ACMSD: variants seen among roughly 807,000 people sequenced by gnomAD.
The protein encoded by ACMSD is aminocarboxymuconate semialdehyde decarboxylase.
Under a neutral mutation model 45.9 loss-of-function variants are expected in ACMSD, and 37 were observed. The ratio of observed to expected loss-of-function variants is 0.81; its 90% CI spans 0.62 to 1.06. The LOEUF (loss-of-function observed/expected upper bound fraction) is 1.06, where lower values mean the gene tolerates loss of function less well. Ranked by LOEUF, ACMSD falls within the 50% of genes least tolerant of loss-of-function variation. The probability of loss-of-function intolerance (pLI) is 0.00; values close to 1 mark genes in which losing one functional copy is unlikely to be tolerated. For synonymous variants in ACMSD, 138 were observed against 148.8 expected, an observed-to-expected ratio of 0.93 and a Z score of 0.53; for missense variants, 434 against 420.9, an observed-to-expected ratio of 1.03 and a Z score of -0.27.
At chr2:134,852,028 G>A (rs1159846790) in intron 2 of ACMSD, among the ~76,000 whole-genome samples, 1 of 152,128 alleles carries the variant, frequency 6.6e-6, no homozygotes, top group African/African-American at 2.4e-5. Flanking sequence ...TACGTATGGT[G>A]TTTAAAGCTG....
At chr2:134,868,608 A>G (rs1222606569) in intron 6 of ACMSD, among the ~76,000 whole-genome samples, 2 of 151,894 alleles carry the variant, frequency 1.3e-5, no homozygotes, top group Non-Finnish European at 2.9e-5. Context: ...GTACAATGCC[A>G]CGTCCAGCTA....
chr2:134,899,170 G>T (rs1483897605), intron 9 of ACMSD, among the ~76,000 whole-genome samples: 1 of 152,078 alleles, frequency 6.6e-6, no homozygotes, highest in Non-Finnish European at 1.5e-5. Flanking sequence ...TAATCCTTTT[G>T]CATAATTCTT....
At chr2:134,898,566 A>G (rs1690317338) in intron 9 of ACMSD, 127 bp downstream of exon 9, 1 of 523,852 alleles carries the variant, frequency 1.9e-6, no homozygotes. Context: ...CCCTAAAACT[A>G]TTACTCTATC....
At position 134,872,521 on chromosome 2, in the gene ACMSD, C is replaced by T. The variant is rs977019422; in HGVS notation, c.729C>T (p.Arg243=). The part of the protein sequence containing the change: ...VGRISHGFSM[R]PDLCAQDNPM... ...GAATCTCCCATGGATTCAGCATGCG[C>T]CCAGATCTGTGTGCCCAGGACAACC... The change falls in exon 8 of 10, where the codon CGC becomes CGT. Residue 243 remains arginine, a synonymous_variant. Coordinates refer to ENST00000356140, the MANE Select transcript of ACMSD (RefSeq NM_138326.3). 2.5e-6 allele frequency: 4 copies of T among 1,614,060 alleles called. No individual in the cohort carries two copies. The highest frequency in any genetic ancestry group is 1.7e-5 in the Admixed American group (1 of 59,990).
chr2:134,879,398 T>G (rs1032994911), intron 8 of ACMSD, among the ~76,000 whole-genome samples: 6 of 152,312 alleles, frequency 3.9e-5, no homozygotes, highest in Admixed American at 2.0e-4. Flanking sequence ...TCCTTCCTAC[T>G]TCCTCCTACT....
At chr2:134,881,338 G>T (rs949534413) in intron 8 of ACMSD, among the ~76,000 whole-genome samples, 1 of 152,192 alleles carries the variant, frequency 6.6e-6, no homozygotes, top group Non-Finnish European at 1.5e-5. Context: ...CGAAATTCTT[G>T]TTCTGTAAAA....
At position 134,840,193 on chromosome 2, in the gene ACMSD, AC is replaced by A. The variant is rs148075213; in HGVS notation, c.57+1456del. ...AAAAAAAAAAAAAAAAAAAAAAAAA[AC>A]CACTAATTCCTCTGTTACAGCTTTT... On this transcript the variant is annotated intron_variant, in intron 1 of 9. Coordinates refer to ENST00000356140, the MANE Select transcript of ACMSD (RefSeq NM_138326.3). 3.1e-3 allele frequency among the ~76,000 whole-genome samples: 364 copies of A among 116,588 alleles called. 42 individuals are homozygous for A. The highest frequency in any genetic ancestry group is 0.01 in the African/African-American group (306 of 29,186). 76.5% of individuals were successfully genotyped at this position (116,588 alleles called of 152,430 possible).
intron 8 of ACMSD, among the ~76,000 whole-genome samples, chr2:134,889,476 C>T (rs1378576666): frequency 6.6e-6 from 1 of 152,136 alleles, no homozygotes; most frequent in Non-Finnish European, 1.5e-5. Context: ...TCTGTATTCA[C>T]AGGTTCCACA....
chr2:134,858,415 TAGAC>T (rs1687681346), intron 2 of ACMSD, among the ~76,000 whole-genome samples: 1 of 152,168 alleles, frequency 6.6e-6, no homozygotes, highest in African/African-American at 2.4e-5. Flanking sequence ...AAATTTCAGT[TAGAC>T]AGGAGGAATA....
intron 1 of ACMSD, among the ~76,000 whole-genome samples, chr2:134,840,181 A>C (rs1222327837): frequency 7.7e-5 from 11 of 142,796 alleles, no homozygotes; most frequent in African/African-American, 2.7e-4. Context: ...AAAAAAAAAA[A>C]AAAAAAAAAA....
At chr2:134,880,686 C>G (rs892491534) in intron 8 of ACMSD, among the ~76,000 whole-genome samples, 2 of 151,778 alleles carry the variant, frequency 1.3e-5, no homozygotes, top group Non-Finnish European at 2.9e-5. Context: ...GTTTGATTAT[C>G]CCTGCAAGTC....
At chr2:134,892,362 T>C (rs1008025027) in intron 8 of ACMSD, among the ~76,000 whole-genome samples, 2 of 151,984 alleles carry the variant, frequency 1.3e-5, no homozygotes, top group Admixed American at 1.3e-4. Context: ...ATTGACAAAG[T>C]TGTGAAAAGC....
chr2:134,839,848 G>A (rs1238772311), intron 1 of ACMSD, among the ~76,000 whole-genome samples: 1 of 152,088 alleles, frequency 6.6e-6, no homozygotes, highest in Non-Finnish European at 1.5e-5. Flanking sequence ...TGTTCTGAGT[G>A]CTGTTGTCCT....
rs541525203 is a variant in ACMSD, at chr2:134,871,725, CAT to C, written c.676+666_676+667del. On this transcript the variant is annotated intron_variant, in intron 7 of 9. Coordinates refer to ENST00000356140, the MANE Select transcript of ACMSD (RefSeq NM_138326.3). The stretch of plus-strand genomic sequence containing the variant: ...CACACACACACACAATCAAACTACA[CAT>C]GTTACTCGCTAACATGCCTTTCCTC... 2.5e-3 allele frequency among the ~76,000 whole-genome samples: 354 copies of C among 139,126 alleles called. 3 individuals are homozygous for C. The highest frequency in any genetic ancestry group is 8.6e-3 in the African/African-American group (322 of 37,446). The allele number at this position is 139,126 out of a possible 152,430, so 91.3% of individuals were successfully genotyped here.
At chr2:134,898,614 G>T (rs1690322188) in intron 9 of ACMSD, among the ~76,000 whole-genome samples, 175 bp downstream of exon 9, 2 of 151,986 alleles carry the variant, frequency 1.3e-5, no homozygotes, top group Non-Finnish European at 2.9e-5. Context: ...CAAAAAAAAT[G>T]ACAAAGCTGA....
At chr2:134,851,274 G>A (rs1359721075) in intron 2 of ACMSD, among the ~76,000 whole-genome samples, 2 of 152,170 alleles carry the variant, frequency 1.3e-5, no homozygotes, top group Non-Finnish European at 2.9e-5. Flanking sequence ...TGAACATACA[G>A]GTGCATGTGT....
chr2:134,838,647 A>G lies in ACMSD; in HGVS notation c.-36A>G. 1.3e-6 allele frequency: 2 copies of G among 1,582,200 alleles called. No individual in the cohort carries two copies. Among genetic ancestry groups the G allele is most frequent in the South Asian group, 2.3e-5 (2 of 87,636 alleles). On this transcript the variant is annotated 5_prime_UTR_variant, in exon 1 of 10. Coordinates refer to ENST00000356140, the MANE Select transcript of ACMSD (RefSeq NM_138326.3). ...TTCACAAAGGTCTCTTGATATCAAA[A>G]CTTCTTTCCTTGCATGCTTCTCTGA...
chr2:134,872,120 C>T (rs984046103), intron 7 of ACMSD, among the ~76,000 whole-genome samples: 2 of 152,062 alleles, frequency 1.3e-5, no homozygotes, highest in Admixed American at 6.6e-5. Flanking sequence ...CCACACCCAA[C>T]TAATTTTTTT....
chr2:134,895,041 C>A (rs927781180), intron 8 of ACMSD, among the ~76,000 whole-genome samples: 1 of 151,976 alleles, frequency 6.6e-6, no homozygotes, highest in Non-Finnish European at 1.5e-5. Context: ...AAAATATATA[C>A]CCTGCTGTAA....
Sources: gnomAD v4.1 joint callset for allele counts (sites outside exome capture counted in the v4.1 genomes callset) on GRCh38, gnomAD v4.1.1 for gene constraint, MANE v1.5 for transcripts, NCBI Gene and HGNC (gene_info 2026-07-23, HGNC 2026-07-21) for gene names.